The following DOCK9 variants were observed in gnomAD, a reference collection of about 807,000 sequenced individuals.
DOCK9 encodes dedicator of cytokinesis 9.
A neutral mutation model predicts 263.3 loss-of-function variants in DOCK9; 89 were observed. The observed-to-expected ratio is 0.34, with a 90% CI of 0.28 to 0.40. The LOEUF is 0.40. Among genes scored for constraint, DOCK9 ranks in the 10% least tolerant of loss-of-function variants. DOCK9 has a pLI of 1.00. For synonymous variants in DOCK9, 976 were observed against 973.1 expected, an observed-to-expected ratio of 1.00 and a Z score of -0.06; for missense variants, 2,140 against 2,603.4, an observed-to-expected ratio of 0.82 and a Z score of 3.87.
chr13:98,982,229 A>C (rs1877383900), upstream of DOCK9, among the ~76,000 whole-genome samples: 1 of 152,194 alleles, frequency 6.6e-6, no homozygotes, highest in Non-Finnish European at 1.5e-5. Context: ...AGGAAATTTA[A>C]GAAATGTTCC....
intron 1 of DOCK9, among the ~76,000 whole-genome samples, chr13:99,000,246 T>A (rs1882021027): frequency 1.3e-5 from 2 of 152,176 alleles, no homozygotes; most frequent in African/African-American, 4.8e-5. Context: ...TGATGTGTCC[T>A]TCTGAAGATG....
Position 98,825,276 on chromosome 13 carries a change from T to G in DOCK9, c.5024-772A>C, listed in dbSNP as rs186570473. On this transcript the variant is annotated intron_variant, in intron 44 of 52. Transcript: ENST00000682017. The surrounding 1 kb of genome is among the most constrained non-coding windows in gnomAD (Gnocchi z 4.1). ...GGACCACGTCAGCTATGCAAAATGATCAAGTGAAGAAGGGCATGAGATGTT... is the reference window on the plus strand; with the variant it reads ...GGACCACGTCAGCTATGCAAAATGAGCAAGTGAAGAAGGGCATGAGATGTT... Among the ~76,000 whole-genome samples, 276 of 152,314 alleles carry G rather than the reference T, an allele frequency of 1.8e-3. 2 individuals are homozygous for G. The highest frequency in any genetic ancestry group is 6.5e-3 in the African/African-American group (269 of 41,564).
chr13:98,837,414 A>G (rs573330802), intron 39 of DOCK9, 80 bp downstream of exon 39: 3 of 920,838 alleles, frequency 3.3e-6, no homozygotes, highest in African/African-American at 3.3e-5. Context: ...CAACATAGTA[A>G]GTTTGTGCTC....
intron 15 of DOCK9, among the ~76,000 whole-genome samples, chr13:98,890,644 C>T (rs539122233): frequency 3.9e-5 from 6 of 152,278 alleles, no homozygotes; most frequent in African/African-American, 1.2e-4. Context: ...TGGTTTTGTT[C>T]CCATTTTTGA....
rs58941307 is a variant in DOCK9 at position 99,047,554 on chromosome 13, A to G, written c.129+38669T>C. ...TTTTTTTTGAGACGGAGTCTCGCCC[A>G]GTCGCCTAGGCTGGAGTGCAGTGGT... On this transcript the variant is annotated intron_variant, in intron 1 of 32. Coordinates refer to the DOCK9 transcript ENST00000427887. 1.4e-3 allele frequency among the ~76,000 whole-genome samples: 182 copies of G among 129,654 alleles called. 2 individuals are homozygous for G. In the East Asian group the frequency reaches 0.03, roughly 21 times the overall value. 85.1% of individuals were successfully genotyped at this position (129,654 alleles called of 152,430 possible).
rs146038138 is a variant in DOCK9 at position 98,885,736 on chromosome 13, C to A, written c.2232G>T (p.Thr744=). ...VSCDNSSKGS[T]KKRDVVETQV... Reference sequence around the variant, plus strand: ...GGGTTTCAACGACATCCCTCTTCTTCGTGCTTCCTTTACTTGAGTTGTCAC... The same window carrying A: ...GGGTTTCAACGACATCCCTCTTCTTAGTGCTTCCTTTACTTGAGTTGTCAC... Residue 744 remains threonine, a synonymous_variant, in exon 20 of 53, where the codon ACG becomes ACT. Transcript: ENST00000682017. 5.6e-6 allele frequency: 9 copies of A among 1,611,448 alleles called. No homozygotes were observed. Among genetic ancestry groups the A allele is most frequent in the East Asian group, 2.2e-5 (1 of 44,724 alleles).
At chr13:98,839,846 G>A (rs915126721) in intron 38 of DOCK9, among the ~76,000 whole-genome samples, 21 of 152,298 alleles carry the variant, frequency 1.4e-4, no homozygotes, top group African/African-American at 5.1e-4. Flanking sequence ...ATGGTACTGG[G>A]AAATGTTATT....
chr13:98,808,655 ACTGT>A, intron 47 of DOCK9: 1 of 1,589,472 alleles, frequency 6.3e-7, no homozygotes, highest in Non-Finnish European at 8.6e-7. Flanking sequence ...CATCTGTTTC[ACTGT>A]CTGTAAACTG....
At chr13:98,861,724 A>T (rs2093876620) in intron 32 of DOCK9, among the ~76,000 whole-genome samples, 1 of 152,246 alleles carries the variant, frequency 6.6e-6, no homozygotes, top group Non-Finnish European at 1.5e-5. Flanking sequence ...CTGAGTAAAA[A>T]AGAGCAAAAC....
At chr13:98,930,607 C>T (rs2053762106) in intron 2 of DOCK9, among the ~76,000 whole-genome samples, 1 of 152,102 alleles carries the variant, frequency 6.6e-6, no homozygotes, top group Non-Finnish European at 1.5e-5. Context: ...GTCTTAACTG[C>T]CTTTTTTTAT....
chr13:98,845,506 G>T (rs2183093), intron 38 of DOCK9: 89,027 of 465,502 alleles, frequency 0.19, 10,734 homozygotes, highest in East Asian at 0.42. Context: ...GAATGTGGAC[G>T]CTTGATCAAT....
intron 1 of DOCK9, among the ~76,000 whole-genome samples, chr13:99,036,604 T>C (rs1566335485): frequency 6.6e-6 from 1 of 152,088 alleles, no homozygotes; most frequent in Non-Finnish European, 1.5e-5. Flanking sequence ...TCCAGTGGAG[T>C]GATCTTGGCT....
intron 1 of DOCK9, among the ~76,000 whole-genome samples, chr13:99,063,997 T>G (rs927752396): frequency 6.6e-6 from 1 of 152,208 alleles, no homozygotes; most frequent in African/African-American, 2.4e-5. Flanking sequence ...TTCTCTATTC[T>G]GAAGCCTTCT....
At chr13:98,803,210 C>T (rs1364352171) in intron 49 of DOCK9, among the ~76,000 whole-genome samples, 3 of 152,190 alleles carry the variant, frequency 2.0e-5, no homozygotes, top group Admixed American at 1.3e-4. Context: ...CCCCTTGTTC[C>T]CGCAGATACA....
At chr13:98,973,178 G>T (rs900293333) in intron 1 of DOCK9, among the ~76,000 whole-genome samples, 6 of 152,124 alleles carry the variant, frequency 3.9e-5, no homozygotes, top group Non-Finnish European at 7.3e-5. Flanking sequence ...GTCTCTAAGG[G>T]TGCAGGAAAA....
At chr13:99,035,478 C>T (rs980138287) in intron 1 of DOCK9, among the ~76,000 whole-genome samples, 2 of 152,146 alleles carry the variant, frequency 1.3e-5, no homozygotes, top group East Asian at 1.9e-4. Flanking sequence ...GCTAATGGGA[C>T]GTGTTAAGTG....
intron 1 of DOCK9, among the ~76,000 whole-genome samples, chr13:98,985,325 C>A (rs948330956): frequency 2.0e-5 from 3 of 151,494 alleles, no homozygotes; most frequent in Non-Finnish European, 4.4e-5. Context: ...CATTTCCCGG[C>A]CTTCATTTTT....
chr13:98,894,480 CT>C (rs1331596041), intron 15 of DOCK9, among the ~76,000 whole-genome samples: 1 of 151,932 alleles, frequency 6.6e-6, no homozygotes, highest in Non-Finnish European at 1.5e-5. Flanking sequence ...TATATATTTT[CT>C]TTCAAAAAAT....
At chr13:98,858,980 T>C (rs533732067) in intron 33 of DOCK9, 27 of 152,324 alleles carry the variant, frequency 1.8e-4, no homozygotes, top group African/African-American at 6.0e-4. Context: ...CCATACACTT[T>C]GTATCAGCTC....
Sources: allele counts gnomAD v4.1 joint callset (sites outside exome capture counted in the v4.1 genomes callset), GRCh38; gene constraint gnomAD v4.1.1; non-coding constraint Gnocchi (gnomAD v3.1); transcripts MANE v1.5; gene names NCBI Gene and HGNC (gene_info 2026-07-23, HGNC 2026-07-21).